The following PTP4A3 variants were observed in gnomAD, a reference collection of about 807,000 sequenced individuals.
PTP4A3 encodes protein tyrosine phosphatase 4A3, also known as protein tyrosine phosphatase type IVA 3.
A neutral mutation model predicts 15.2 loss-of-function variants in PTP4A3; 9 were observed. That is an observed-to-expected ratio of 0.59 (90% CI 0.36 to 1.03). The LOEUF (loss-of-function observed/expected upper bound fraction) is 1.03. Among genes scored for constraint, PTP4A3 ranks in the 50% least tolerant of loss-of-function variants. The pLI is 0.02. For missense variants in PTP4A3, 234 were observed against 252.1 expected (o/e 0.93, Z 0.49); for synonymous variants, 95 against 102.0 (o/e 0.93, Z 0.41).
rs565744470 is a variant in PTP4A3 at position 141,428,149 on chromosome 8, C to T, written c.404+325C>T. Reference sequence around the variant, plus strand: ...GACCCCCAGAGCCAGCCAGTTCAGTCCCTCCATGAAAAACTAGAACCTGAA... The same window carrying T: ...GACCCCCAGAGCCAGCCAGTTCAGTTCCTCCATGAAAAACTAGAACCTGAA... On this transcript the variant is annotated intron_variant, in intron 5 of 5. Transcript: ENST00000521578. Among the ~76,000 whole-genome samples, 8 of 152,232 alleles carry T rather than the reference C, an allele frequency of 5.3e-5. No homozygotes were observed. The East Asian group carries it at 1.5e-3, about 29-fold the overall frequency.
intron 1 of PTP4A3, among the ~76,000 whole-genome samples, chr8:141,393,738 G>C (rs1832363438): frequency 6.6e-6 from 1 of 152,240 alleles, no homozygotes; most frequent in South Asian, 2.1e-4. Flanking sequence ...TCTGTCCCAA[G>C]TAACAGCCCA....
intron 1 of PTP4A3, among the ~76,000 whole-genome samples, chr8:141,415,601 GC>G (rs1199915789): frequency 1.5e-5 from 2 of 137,886 alleles, no homozygotes; most frequent in East Asian, 4.5e-4. Context: ...CTCCGGGTGG[GC>G]CCTTTTGACG....
chr8:141,425,625 G>C lies in PTP4A3; in HGVS notation c.198+485G>C, dbSNP rs557955550. Among the ~76,000 whole-genome samples, 7 of 151,742 alleles carry C rather than the reference G, an allele frequency of 4.6e-5. No individual in the cohort carries two copies. The East Asian group carries it at 5.8e-4, about 13-fold the overall frequency. Reference sequence around the variant, plus strand: ...GGGCGGTTCTGCTGCGATATCCTTGGGGGGGTGGGCCACAGCAGCTGCAGG... The same window carrying C: ...GGGCGGTTCTGCTGCGATATCCTTGCGGGGGTGGGCCACAGCAGCTGCAGG... On this transcript the variant is annotated intron_variant, in intron 3 of 5. Transcript: ENST00000521578. The surrounding 1 kb of genome is among the most constrained non-coding windows in gnomAD (Gnocchi z 4.2).
chr8:141,401,667 A>G (rs891960491), intron 1 of PTP4A3, among the ~76,000 whole-genome samples: 3 of 152,166 alleles, frequency 2.0e-5, no homozygotes, highest in Non-Finnish European at 4.4e-5. Context: ...AGTCACCGGA[A>G]GGGCCGTCCC....
At chr8:141,398,414 A>T (rs1392378619) in intron 1 of PTP4A3, among the ~76,000 whole-genome samples, 1 of 152,060 alleles carries the variant, frequency 6.6e-6, no homozygotes, top group Non-Finnish European at 1.5e-5. Context: ...GTCTGGGAAC[A>T]CCCCAGACTC....
At chr8:141,410,166 G>T (rs1206299429) in intron 1 of PTP4A3, among the ~76,000 whole-genome samples, 3 of 152,250 alleles carry the variant, frequency 2.0e-5, no homozygotes, top group African/African-American at 7.2e-5. Context: ...TCTGTGTCAT[G>T]GATGAGGCCC....
chr8:141,423,338 G>C (rs1833420055), intron 2 of PTP4A3, among the ~76,000 whole-genome samples: 1 of 152,242 alleles, frequency 6.6e-6, no homozygotes, highest in Non-Finnish European at 1.5e-5. Flanking sequence ...AGATTGGCGA[G>C]AACAGCACGG....
At chr8:141,397,729 A>T (rs1832489125) in intron 1 of PTP4A3, among the ~76,000 whole-genome samples, 1 of 152,200 alleles carries the variant, frequency 6.6e-6, no homozygotes, top group Non-Finnish European at 1.5e-5. Flanking sequence ...AAAGGCAGTG[A>T]TCTTTCTGGA....
chr8:141,428,316 T>G (rs1312896111), intron 5 of PTP4A3, among the ~76,000 whole-genome samples: 1 of 135,110 alleles, frequency 7.4e-6, no homozygotes, highest in Admixed American at 7.5e-5. Flanking sequence ...CCTTAGAGGC[T>G]TCTAGGCCAG....
intron 1 of PTP4A3, among the ~76,000 whole-genome samples, chr8:141,414,024 C>T (rs889345847): frequency 3.3e-5 from 5 of 152,102 alleles, no homozygotes; most frequent in African/African-American, 4.8e-5. Flanking sequence ...CCCATCTTCC[C>T]GGCACAGGCA....
chr8:141,394,053 G>A (rs1832374442), intron 1 of PTP4A3, among the ~76,000 whole-genome samples: 1 of 152,220 alleles, frequency 6.6e-6, no homozygotes, highest in Non-Finnish European at 1.5e-5. Flanking sequence ...GGGGGCATAA[G>A]CTGGTGTGAG....
chr8:141,401,010 G>C (rs780110860), intron 1 of PTP4A3, among the ~76,000 whole-genome samples: 1 of 152,100 alleles, frequency 6.6e-6, no homozygotes, highest in Non-Finnish European at 1.5e-5. Context: ...GGGCAAGCCG[G>C]GTGAGGACAG....
At chr8:141,396,858 C>A (rs1832464427) in intron 1 of PTP4A3, among the ~76,000 whole-genome samples, 1 of 152,148 alleles carries the variant, frequency 6.6e-6, no homozygotes, top group Non-Finnish European at 1.5e-5. Flanking sequence ...GTCCTGAGTG[C>A]ACTGAGCCCG....
chr8:141,426,011 T>C (rs1045114792), intron 3 of PTP4A3, among the ~76,000 whole-genome samples: 1 of 152,064 alleles, frequency 6.6e-6, no homozygotes, highest in Non-Finnish European at 1.5e-5. Context: ...TCGCACGGGG[T>C]GCGCCCACAC....
At chr8:141,398,717 T>C (rs1027079562) in intron 1 of PTP4A3, among the ~76,000 whole-genome samples, 5 of 151,990 alleles carry the variant, frequency 3.3e-5, no homozygotes, top group Admixed American at 3.3e-4. Flanking sequence ...TTCTCCCCAG[T>C]GTCCAGGCCT....
Position 141,431,316 on chromosome 8 carries a change from G to GCCCTCTGCCCGCC in PTP4A3, c.*278_*290dup, listed in dbSNP as rs1833866759. 1.9e-6 allele frequency: 1 copy of GCCCTCTGCCCGCC among 518,462 alleles called. No individual in the cohort carries two copies. The highest frequency in any genetic ancestry group is 1.9e-5 in the African/African-American group (1 of 51,938). 32.1% of individuals were successfully genotyped at this position (518,462 alleles called of 1,614,324 possible). A position where few individuals can be genotyped will look rare whatever the true frequency, so the allele number is the denominator to read the frequency against. On this transcript the variant is annotated 3_prime_UTR_variant, in exon 6 of 6. Transcript: ENST00000521578. ...TCTGTCTCTCTGAGGTGGGTCGGGC[G>GCCCTCTGCCCGCC]CCCTCTGCCCGCCCCCTCCCACACC... is the stretch of plus-strand genomic sequence containing the variant.
At chr8:141,411,399 G>A (rs1031615613) in intron 1 of PTP4A3, among the ~76,000 whole-genome samples, 27 of 152,358 alleles carry the variant, frequency 1.8e-4, no homozygotes, top group African/African-American at 6.3e-4. Flanking sequence ...TGGGGAACCT[G>A]CGGGCCCCTC....
chr8:141,403,123 C>T (rs1360133714), intron 1 of PTP4A3, among the ~76,000 whole-genome samples: 3 of 152,214 alleles, frequency 2.0e-5, no homozygotes, highest in East Asian at 1.9e-4. Flanking sequence ...AGGTCAGAGA[C>T]GCAGAGCCCT....
chr8:141,402,024 A>T (rs867466074), intron 1 of PTP4A3, among the ~76,000 whole-genome samples: 6 of 152,088 alleles, frequency 3.9e-5, no homozygotes, highest in African/African-American at 1.2e-4. Flanking sequence ...CCCTGATATC[A>T]CACAAGCCAC....
Sources: allele counts gnomAD v4.1 joint callset (sites outside exome capture counted in the v4.1 genomes callset), GRCh38; gene constraint gnomAD v4.1.1; non-coding constraint Gnocchi (gnomAD v3.1); transcripts MANE v1.5; gene names NCBI Gene and HGNC (gene_info 2026-07-23, HGNC 2026-07-21).